Variants in IL1RAPL2 observed in about 807,000 individuals in gnomAD.
The protein encoded by IL1RAPL2 is interleukin 1 receptor accessory protein like 2.
In IL1RAPL2, 3 loss-of-function variants were observed where a neutral mutation model predicts 44.1. That is an observed-to-expected ratio of 0.07 (90% CI 0.03 to 0.18). The LOEUF is 0.18. IL1RAPL2 is among the 10% of genes least tolerant of loss of function. The pLI is 1.00. For synonymous variants in IL1RAPL2, 181 were observed against 178.8 expected (o/e 1.01, Z -0.10); for missense variants, 391 against 496.4 (o/e 0.79, Z 2.02).
intron 2 of IL1RAPL2, among the ~76,000 whole-genome samples, chrX:105,101,251 G>A (rs1035477277): frequency 4.5e-5 from 5 of 111,708 alleles, no homozygotes; most frequent in African/African-American, 1.6e-4. Flanking sequence ...AGTTTACTTG[G>A]CCCTCTGTCA....
At chrX:104,708,335 C>T (rs1931395354) in intron 2 of IL1RAPL2, among the ~76,000 whole-genome samples, 1 of 111,015 alleles carries the variant, frequency 9.0e-6, no homozygotes, top group Admixed American at 9.6e-5. Context: ...GAAACTGGCT[C>T]ACCTTATTTT....
chrX:104,762,777 T>A (rs908022830), intron 2 of IL1RAPL2, among the ~76,000 whole-genome samples: 1 of 111,687 alleles, frequency 9.0e-6, no homozygotes, highest in African/African-American at 3.3e-5. Context: ...AGCAACAGCC[T>A]GAGCTCTGCA....
chrX:104,952,893 T>C (rs762825922), intron 2 of IL1RAPL2, among the ~76,000 whole-genome samples: 2 of 112,460 alleles, frequency 1.8e-5, no homozygotes, highest in East Asian at 2.8e-4. Flanking sequence ...AGCAGTGTTC[T>C]TCTGAATCAG....
At chrX:104,889,233 C>A (rs766631012) in intron 2 of IL1RAPL2, among the ~76,000 whole-genome samples, 3 of 111,321 alleles carry the variant, frequency 2.7e-5, no homozygotes, top group African/African-American at 9.8e-5. Context: ...TGCAGCAGTG[C>A]CCCCACCACT....
chrX:105,260,937 GC>G (rs1464372418), intron 4 of IL1RAPL2, among the ~76,000 whole-genome samples: 6 of 112,278 alleles, frequency 5.3e-5, no homozygotes, highest in South Asian at 7.4e-4. Flanking sequence ...TTGCTGCTCA[GC>G]CCCCTGGGTT....
chrX:104,935,418 C>T (rs1309291796), intron 2 of IL1RAPL2, among the ~76,000 whole-genome samples: 3 of 111,578 alleles, frequency 2.7e-5, no homozygotes, highest in Non-Finnish European at 3.8e-5. Context: ...CCTATATAAT[C>T]TAAAGGTATT....
chrX:105,602,007 C>A (rs2147822820), intron 6 of IL1RAPL2, among the ~76,000 whole-genome samples: 1 of 111,488 alleles, frequency 9.0e-6, no homozygotes, highest in African/African-American at 3.3e-5. Context: ...GCTTGCCTGC[C>A]AGGTGCCTGC....
intron 2 of IL1RAPL2, among the ~76,000 whole-genome samples, chrX:104,739,399 A>G (rs1932066566): frequency 8.9e-6 from 1 of 112,145 alleles, no homozygotes; most frequent in South Asian, 3.7e-4. Context: ...AATCATCTAG[A>G]TCGTTTTATG....
intron 5 of IL1RAPL2, among the ~76,000 whole-genome samples, chrX:105,361,440 G>A (rs2035246890): frequency 9.0e-6 from 1 of 111,356 alleles, no homozygotes; most frequent in African/African-American, 3.3e-5. Context: ...CCAAAAAAGA[G>A]TTGAAGCAGA....
At chrX:105,438,195 T>C (rs370250192) in intron 5 of IL1RAPL2, among the ~76,000 whole-genome samples, 15 of 111,832 alleles carry the variant, frequency 1.3e-4, no homozygotes, top group African/African-American at 4.9e-4. Context: ...ACTAGGGAAA[T>C]GTATCAGACT....
chrX:104,652,875 C>T (rs1930178125), intron 1 of IL1RAPL2, among the ~76,000 whole-genome samples: 1 of 111,373 alleles, frequency 9.0e-6, no homozygotes, highest in South Asian at 3.8e-4. Context: ...ACAGATGGGA[C>T]ATATGGCTCT....
At position 104,977,034 on chromosome X, in the gene IL1RAPL2, A is replaced by G. The variant is rs534748731; in HGVS notation, c.83-218441A>G. ...ACAAGGATGTGTCTCAGGACACTCA[A>G]TTAATGAGTGACTTTTCACTGACCA... On this transcript the variant is annotated intron_variant, in intron 2 of 10. Coordinates refer to ENST00000372582, the MANE Select transcript of IL1RAPL2 (RefSeq NM_017416.2). 1.2e-4 allele frequency among the ~76,000 whole-genome samples: 13 copies of G among 112,115 alleles called. No homozygotes were observed. In the South Asian group the frequency reaches 4.5e-3, roughly 39 times the overall value.
intron 3 of IL1RAPL2, among the ~76,000 whole-genome samples, chrX:105,227,843 T>A (rs963105477): frequency 1.8e-5 from 2 of 112,515 alleles, no homozygotes; most frequent in African/African-American, 6.4e-5. Flanking sequence ...CAATTTAAAC[T>A]TTTTTAAATA....
chrX:105,671,275 G>A, intron 6 of IL1RAPL2, among the ~76,000 whole-genome samples: 1 of 112,163 alleles, frequency 8.9e-6, no homozygotes, highest in Non-Finnish European at 1.9e-5. Flanking sequence ...TGGTGTCTAT[G>A]AATTGATTGC....
chrX:105,501,440 A>G (rs1253304294), intron 6 of IL1RAPL2, among the ~76,000 whole-genome samples: 1 of 110,860 alleles, frequency 9.0e-6, no homozygotes, highest in Admixed American at 9.7e-5. Context: ...CCTGAGCAAC[A>G]TGGTGAAACC....
At chrX:105,497,207 T>C (rs1403227964) in intron 6 of IL1RAPL2, among the ~76,000 whole-genome samples, 1 of 111,102 alleles carries the variant, frequency 9.0e-6, no homozygotes, top group Non-Finnish European at 1.9e-5. Context: ...TAACAAATGC[T>C]GGTGAGGATT....
chrX:104,601,304 G>A (rs1928878251), intron 1 of IL1RAPL2, among the ~76,000 whole-genome samples: 1 of 108,453 alleles, frequency 9.2e-6, no homozygotes, highest in Non-Finnish European at 1.9e-5. Context: ...AGGCCCCCGT[G>A]TGTGATGTTC....
At chrX:105,423,403 A>G (rs1342031378) in intron 5 of IL1RAPL2, among the ~76,000 whole-genome samples, 4 of 111,932 alleles carry the variant, frequency 3.6e-5, no homozygotes, top group African/African-American at 1.3e-4. Flanking sequence ...CAAGGATTTC[A>G]AACAAAAAGT....
At chrX:105,706,628 T>A (rs776807184) in intron 6 of IL1RAPL2, among the ~76,000 whole-genome samples, 7 of 110,624 alleles carry the variant, frequency 6.3e-5, no homozygotes, top group Non-Finnish European at 1.3e-4. Flanking sequence ...AGCTGGAGAG[T>A]ACATGGCTCA....
Sources: gnomAD v4.1 joint callset for allele counts (sites outside exome capture counted in the v4.1 genomes callset) on GRCh38, gnomAD v4.1.1 for gene constraint, MANE v1.5 for transcripts, NCBI Gene and HGNC (gene_info 2026-07-23, HGNC 2026-07-21) for gene names.